Variants in ARF4 observed in about 807,000 individuals in gnomAD.
ARF4 encodes the protein ADP-ribosylation factor 4.
Under a neutral mutation model 24.3 loss-of-function variants are expected in ARF4, and 5 were observed. That is an observed-to-expected ratio of 0.21 (90% confidence interval 0.11 to 0.43). The LOEUF (loss-of-function observed/expected upper bound fraction) is 0.43. Among genes scored for constraint, ARF4 ranks in the 20% least tolerant of loss-of-function variants. ARF4 has a pLI of 1.00. For synonymous variants in ARF4, 62 were observed against 73.5 expected, an observed-to-expected ratio of 0.84 and a Z score of 0.80; for missense variants, 107 against 213.0, an observed-to-expected ratio of 0.50 and a Z score of 3.10.
chr3:57,593,279 A>T (rs1559787897), intron 1 of ARF4, among the ~76,000 whole-genome samples: 1 of 152,222 alleles, frequency 6.6e-6, no homozygotes, highest in Non-Finnish European at 1.5e-5. Flanking sequence ...ATAGGTAATT[A>T]TCACTTTATT....
At chr3:57,582,479 G>A (rs1232152048) in intron 3 of ARF4, among the ~76,000 whole-genome samples, 1 of 152,062 alleles carries the variant, frequency 6.6e-6, no homozygotes, top group East Asian at 1.9e-4. Flanking sequence ...CTGACCTCGT[G>A]ATCCGCCCGC....
At chr3:57,597,017 C>G (rs1575791570) in intron 1 of ARF4, 57 bp downstream of exon 1, 1 of 1,584,380 alleles carries the variant, frequency 6.3e-7, no homozygotes. Context: ...GAGGCCACCC[C>G]AATTGTGGAG....
rs1279842994 is a variant in ARF4, at chr3:57,581,071, A to C, written c.258+2827T>G. 2.0e-5 allele frequency among the ~76,000 whole-genome samples: 3 copies of C among 152,260 alleles called. No individual in the cohort carries two copies. The East Asian group carries it at 5.8e-4, about 29-fold the overall frequency. ...TCTACAGATAAGCCCAGCTGCTATG[A>C]AATTATTTGAAAAGCCAAATATTTA... On this transcript the variant is annotated intron_variant, in intron 3 of 5. Coordinates refer to ENST00000303436, the MANE Select transcript of ARF4 (RefSeq NM_001660.4).
intron 5 of ARF4, among the ~76,000 whole-genome samples, chr3:57,574,118 T>C (rs981144983): frequency 7.2e-5 from 11 of 151,988 alleles, no homozygotes; most frequent in Non-Finnish European, 4.4e-5. Flanking sequence ...TTTTGTAGTT[T>C]TTAGTAGAGA....
At chr3:57,590,271 G>C (rs1156262438) in intron 1 of ARF4, among the ~76,000 whole-genome samples, 1 of 151,868 alleles carries the variant, frequency 6.6e-6, no homozygotes, top group Non-Finnish European at 1.5e-5. Flanking sequence ...TGGATCATGA[G>C]GTCAGGAGTT....
chr3:57,576,569 A>G (rs1056624795), intron 4 of ARF4, among the ~76,000 whole-genome samples: 4 of 150,632 alleles, frequency 2.7e-5, no homozygotes, highest in African/African-American at 9.8e-5. Flanking sequence ...CAAAAATCCA[A>G]CAATGACTTA....
intron 3 of ARF4, among the ~76,000 whole-genome samples, chr3:57,583,411 T>C (rs2069999627): frequency 6.6e-6 from 1 of 152,176 alleles, no homozygotes; most frequent in South Asian, 2.1e-4. Context: ...ACAGGATCAC[T>C]AAAGTCTCTT....
chr3:57,595,070 C>G (rs2070164859), intron 1 of ARF4, among the ~76,000 whole-genome samples: 1 of 152,160 alleles, frequency 6.6e-6, no homozygotes, highest in South Asian at 2.1e-4. Flanking sequence ...CTAAATCCTC[C>G]ACACAAATGC....
At chr3:57,595,703 C>A (rs1221116173) in intron 1 of ARF4, among the ~76,000 whole-genome samples, 1 of 152,144 alleles carries the variant, frequency 6.6e-6, no homozygotes, top group Non-Finnish European at 1.5e-5. Context: ...AATCCCAGCA[C>A]TCTGGGAAGC....
chr3:57,595,181 A>G (rs1183667730), intron 1 of ARF4, among the ~76,000 whole-genome samples: 1 of 152,228 alleles, frequency 6.6e-6, no homozygotes, highest in Non-Finnish European at 1.5e-5. Context: ...TGCTGGTAGC[A>G]TACTTCTATA....
At chr3:57,591,017 A>C (rs1397742732) in intron 1 of ARF4, among the ~76,000 whole-genome samples, 1 of 152,228 alleles carries the variant, frequency 6.6e-6, no homozygotes, top group South Asian at 2.1e-4. Context: ...TTTTCAGATG[A>C]GACATTTAAT....
intron 3 of ARF4, among the ~76,000 whole-genome samples, chr3:57,578,256 T>C (rs2069929653): frequency 6.6e-6 from 1 of 151,672 alleles, no homozygotes; most frequent in African/African-American, 2.4e-5. Context: ...AAGAAAATGA[T>C]AGCAAGAAAA....
At chr3:57,577,529 T>TA in intron 3 of ARF4, 142 bp from the exon 4 acceptor site, 1 of 646,784 alleles carries the variant, frequency 1.5e-6, no homozygotes, top group South Asian at 2.0e-5. Context: ...GCTGTAATGC[T>TA]AAAAGCTGAT....
chr3:57,589,210 G>A (rs1378209124), intron 1 of ARF4, among the ~76,000 whole-genome samples: 1 of 152,178 alleles, frequency 6.6e-6, no homozygotes, highest in African/African-American at 2.4e-5. Flanking sequence ...CAAGGCTGCA[G>A]TGAGCTGTGA....
intron 1 of ARF4, among the ~76,000 whole-genome samples, chr3:57,594,532 T>C (rs1046242864): frequency 2.6e-5 from 4 of 152,254 alleles, no homozygotes; most frequent in Non-Finnish European, 5.9e-5. Flanking sequence ...TAATTACAGT[T>C]AACTACAAGC....
chr3:57,585,686 A>G (rs2070027955), intron 1 of ARF4, among the ~76,000 whole-genome samples: 1 of 145,172 alleles, frequency 6.9e-6, no homozygotes, highest in Non-Finnish European at 1.5e-5. Context: ...TTTTTGAGAC[A>G]GAGTATCACT....
chr3:57,587,777 A>G (rs1302172340), intron 1 of ARF4, among the ~76,000 whole-genome samples: 1 of 152,168 alleles, frequency 6.6e-6, no homozygotes, highest in African/African-American at 2.4e-5. Flanking sequence ...ATGCGCCCAT[A>G]ATGACTTTTA....
chr3:57,587,897 A>G (rs139427107), intron 1 of ARF4, among the ~76,000 whole-genome samples: 113 of 152,354 alleles, frequency 7.4e-4, no homozygotes, highest in African/African-American at 2.6e-3. Flanking sequence ...AATGCTGTAT[A>G]AATGCAAATT....
At chr3:57,581,598 C>G (rs1208714705) in intron 3 of ARF4, among the ~76,000 whole-genome samples, 1 of 152,114 alleles carries the variant, frequency 6.6e-6, no homozygotes, top group African/African-American at 2.4e-5. Context: ...GTCAGGAGAT[C>G]GAGACCAGCC....
Sources: gnomAD v4.1 joint callset for allele counts (sites outside exome capture counted in the v4.1 genomes callset) on GRCh38, gnomAD v4.1.1 for gene constraint, MANE v1.5 for transcripts, NCBI Gene and HGNC (gene_info 2026-07-23, HGNC 2026-07-21) for gene names.